ADGRL2: variants seen among roughly 807,000 people sequenced by gnomAD.
ADGRL2 encodes the protein adhesion G protein-coupled receptor L2, also known as calcium-independent alpha-latrotoxin receptor 2.
In ADGRL2, 44 loss-of-function variants were observed where a neutral mutation model predicts 157.4. That is an observed-to-expected ratio of 0.28 (90% CI 0.22 to 0.36). The LOEUF is 0.36. Among genes scored for constraint, ADGRL2 ranks in the 10% least tolerant of loss-of-function variants. The pLI, the probability that ADGRL2 is intolerant of heterozygous loss-of-function variation, is 1.00. For missense variants in ADGRL2, 1,510 were observed against 1,768.9 expected (o/e 0.85, Z 2.63); for synonymous variants, 585 against 624.7 (o/e 0.94, Z 0.95).
At chr1:81,644,796 T>C (rs2082282612) in intron 3 of ADGRL2, among the ~76,000 whole-genome samples, 1 of 152,180 alleles carries the variant, frequency 6.6e-6, no homozygotes. Context: ...GTTACACATG[T>C]GGGAGTATAG....
At chr1:81,926,557 G>A (rs6699460) in intron 3 of ADGRL2, among the ~76,000 whole-genome samples, 38,830 of 151,796 alleles carry the variant, frequency 0.26, 5,341 homozygotes, top group Middle Eastern at 0.36. Context: ...GTAGGTTAAC[G>A]TTTTTATAAA....
intron 3 of ADGRL2, among the ~76,000 whole-genome samples, chr1:81,667,655 A>G (rs2082779531): frequency 6.6e-6 from 1 of 152,186 alleles, no homozygotes; most frequent in African/African-American, 2.4e-5. Context: ...AAAAATTAAA[A>G]TATGTTTTTG....
intron 1 of ADGRL2, among the ~76,000 whole-genome samples, chr1:81,707,165 A>G (rs1162607692): frequency 6.6e-6 from 1 of 152,134 alleles, no homozygotes; most frequent in Non-Finnish European, 1.5e-5. Flanking sequence ...GGTGGCGGTT[A>G]ATGGGGAAAA....
intron 2 of ADGRL2, among the ~76,000 whole-genome samples, chr1:81,869,866 ATTCAC>A (rs1161026364): frequency 6.6e-6 from 1 of 151,998 alleles, no homozygotes; most frequent in Non-Finnish European, 1.5e-5. Flanking sequence ...ATTCCTTTGT[ATTCAC>A]TTAAGTATTC....
At chr1:81,967,317 G>A (rs907481997) in intron 13 of ADGRL2, among the ~76,000 whole-genome samples, 28 of 150,944 alleles carry the variant, frequency 1.9e-4, no homozygotes, top group African/African-American at 4.4e-4. Flanking sequence ...TCTAGAGTGC[G>A]GTGGCGCGAT....
intron 1 of ADGRL2, among the ~76,000 whole-genome samples, chr1:81,359,144 T>C (rs1359444422): frequency 1.3e-5 from 2 of 151,636 alleles, no homozygotes; most frequent in Admixed American, 1.3e-4. Flanking sequence ...GCATGAAACA[T>C]GCAAATGGAG....
intron 3 of ADGRL2, among the ~76,000 whole-genome samples, chr1:81,608,598 G>C (rs2081480271): frequency 6.6e-6 from 1 of 152,146 alleles, no homozygotes; most frequent in South Asian, 2.1e-4. Flanking sequence ...ATATTTAAGA[G>C]AAAGAGGTTT....
At chr1:81,641,578 G>A (rs905873726) in intron 3 of ADGRL2, among the ~76,000 whole-genome samples, 5 of 152,146 alleles carry the variant, frequency 3.3e-5, no homozygotes, top group African/African-American at 9.7e-5. Flanking sequence ...TTTCTACATA[G>A]CACATGGGTC....
At chr1:81,690,199 T>A (rs2083304209) in intron 3 of ADGRL2, among the ~76,000 whole-genome samples, 1 of 152,182 alleles carries the variant, frequency 6.6e-6, no homozygotes, top group South Asian at 2.1e-4. Flanking sequence ...ATATTCAGAA[T>A]GTAAAATTTA....
chr1:81,762,096 G>A (rs1218234206), intron 2 of ADGRL2, among the ~76,000 whole-genome samples: 2 of 152,032 alleles, frequency 1.3e-5, no homozygotes, highest in African/African-American at 4.8e-5. Flanking sequence ...CTGTTGGATT[G>A]CAGTTGAACA....
intron 3 of ADGRL2, among the ~76,000 whole-genome samples, chr1:81,643,644 T>G (rs1197729923): frequency 6.6e-6 from 1 of 152,118 alleles, no homozygotes; most frequent in African/African-American, 2.4e-5. Flanking sequence ...TCAATAGCAT[T>G]TGTGTTAACA....
In ADGRL2 at chr1:81,950,326, C is replaced by A. The variant is rs1189026835; in HGVS notation, c.1348C>A (p.Pro450Thr). 5.0e-6 allele frequency: 8 copies of A among 1,613,926 alleles called. No homozygotes were observed. Among genetic ancestry groups the A allele is most frequent in the Non-Finnish European group, 6.8e-6 (8 of 1,179,968 alleles). ...ACAGGAAGGAAGCAAAGGGACAAAACCACCTCCAGCAGTTTCTACAACCAA... is the reference window on the plus strand; with the variant it reads ...ACAGGAAGGAAGCAAAGGGACAAAAACACCTCCAGCAGTTTCTACAACCAA... ...GSQEGSKGTK[P>T]PPAVSTTKIP... is the part of the protein sequence containing the mutation. Residue 450 changes from proline (P) to threonine (T), a missense_variant, in exon 7 of 24, where the codon CCA (proline) becomes ACA (threonine). Coordinates refer to ENST00000686636, the MANE Select transcript of ADGRL2 (RefSeq NM_001366006.2).
At chr1:81,438,094 A>G (rs945999176) in intron 1 of ADGRL2, among the ~76,000 whole-genome samples, 2 of 152,024 alleles carry the variant, frequency 1.3e-5, no homozygotes, top group Non-Finnish European at 2.9e-5. Context: ...CCCGTGATCA[A>G]CACATTGAAA....
intron 2 of ADGRL2, among the ~76,000 whole-genome samples, chr1:81,449,586 G>A (rs566013812): frequency 2.0e-5 from 3 of 152,164 alleles, no homozygotes; most frequent in Admixed American, 1.3e-4. Context: ...TTGAATTATG[G>A]CCTTTATTTG....
At chr1:81,934,487 A>G (rs941012872) in intron 3 of ADGRL2, among the ~76,000 whole-genome samples, 5 of 151,480 alleles carry the variant, frequency 3.3e-5, no homozygotes, top group African/African-American at 1.2e-4. Context: ...TTGAAAAATT[A>G]TATATATATA....
At chr1:81,827,788 C>T (rs1324172404) in intron 1 of ADGRL2, among the ~76,000 whole-genome samples, 1 of 152,144 alleles carries the variant, frequency 6.6e-6, no homozygotes, top group African/African-American at 2.4e-5. Context: ...TGGTCTCGAA[C>T]TCCTGACCTC....
chr1:81,589,627 T>G (rs908427180), intron 3 of ADGRL2, among the ~76,000 whole-genome samples: 6 of 152,224 alleles, frequency 3.9e-5, no homozygotes, highest in African/African-American at 1.4e-4. Context: ...CTCAGCTATG[T>G]GCAGATAGAG....
chr1:81,919,566 A>C (rs1191345388), intron 3 of ADGRL2, among the ~76,000 whole-genome samples: 1 of 150,362 alleles, frequency 6.7e-6, no homozygotes, highest in African/African-American at 2.4e-5. Context: ...TTTTTTTTTT[A>C]AGTTTTACTC....
chr1:81,969,370 G>C lies in ADGRL2; in HGVS notation c.2716G>C (p.Asp906His). 6.2e-7 allele frequency: 1 copy of C among 1,613,072 alleles called. No homozygotes were observed. Among genetic ancestry groups the C allele is most frequent in the Non-Finnish European group, 8.5e-7 (1 of 1,179,192 alleles). The change falls in exon 15 of 24, where the codon GAT (aspartate) becomes CAT (histidine). Residue 906 changes from aspartate (D) to histidine (H), a missense_variant. By Grantham distance (81) the Asp-to-His change is moderately conservative. Coordinates refer to ENST00000686636, the MANE Select transcript of ADGRL2 (RefSeq NM_001366006.2). ...TGAATTTATTTTCCTAATAGGCATT[G>C]ATAAGACAAAATATGCGGTAAGCAC... ...IAEFIFLIGI[D>H]KTKYAIACPI...
Sources: allele counts gnomAD v4.1 joint callset (sites outside exome capture counted in the v4.1 genomes callset), GRCh38; gene constraint gnomAD v4.1.1; transcripts MANE v1.5; gene names NCBI Gene and HGNC (gene_info 2026-07-23, HGNC 2026-07-21).